The following STARD13 variants were observed in gnomAD, a reference collection of about 807,000 sequenced individuals.
The protein encoded by STARD13 is StAR related lipid transfer domain containing 13, also known as stAR-related lipid transfer protein 13.
A neutral mutation model predicts 106.4 loss-of-function variants in STARD13; 62 were observed. That is an observed-to-expected ratio of 0.58 (90% CI 0.48 to 0.72). The LOEUF is 0.72. Ranked by LOEUF, STARD13 falls within the 30% of genes least tolerant of loss-of-function variation. The pLI, the probability that STARD13 is intolerant of heterozygous loss-of-function variation, is 0.00. For synonymous variants in STARD13, 565 were observed against 553.0 expected, an observed-to-expected ratio of 1.02 and a Z score of -0.31; for missense variants, 1,387 against 1,424.0, an observed-to-expected ratio of 0.97 and a Z score of 0.42.
chr13:33,335,913 G>A (rs1402645644), intron 1 of STARD13, among the ~76,000 whole-genome samples: 2 of 152,250 alleles, frequency 1.3e-5, no homozygotes, highest in African/African-American at 4.8e-5. Flanking sequence ...CCTTAGCACA[G>A]TGCCAGGAAT....
At chr13:33,415,408 G>A in the STARD13 span, among the ~76,000 whole-genome samples, 1 of 152,138 alleles carries the variant, frequency 6.6e-6, no homozygotes, top group African/African-American at 2.4e-5. Context: ...TGTCAAGCAT[G>A]GTTGCTGGGC....
chr13:33,167,413 CAA>C, intron 2 of STARD13, 136 bp downstream of exon 2: 1 of 774,262 alleles, frequency 1.3e-6, no homozygotes. Context: ...CTGGGCATAG[CAA>C]AAAGGCCGAG....
chr13:33,452,891 A>T, the STARD13 span, among the ~76,000 whole-genome samples: 1 of 152,232 alleles, frequency 6.6e-6, no homozygotes, highest in Non-Finnish European at 1.5e-5. Context: ...TTTCATTTCT[A>T]ACTTTAAAAT....
chr13:33,455,990 C>T, the STARD13 span, among the ~76,000 whole-genome samples: 1 of 151,950 alleles, frequency 6.6e-6, no homozygotes, highest in African/African-American at 2.4e-5. Flanking sequence ...AAATAAATAA[C>T]AACGAATAAT....
chr13:33,582,920 GC>G, the STARD13 span, among the ~76,000 whole-genome samples: 141 of 152,266 alleles, frequency 9.3e-4, no homozygotes, highest in African/African-American at 3.2e-3. Flanking sequence ...CATATTGCTT[GC>G]CCAATTTCGG....
At chr13:33,172,347 C>G (rs1269889630) in intron 1 of STARD13, among the ~76,000 whole-genome samples, 1 of 152,104 alleles carries the variant, frequency 6.6e-6, no homozygotes, top group African/African-American at 2.4e-5. Flanking sequence ...TCAAGGTAGC[C>G]AAGAGAAAAG....
chr13:33,155,732 T>C (rs1454254375), intron 3 of STARD13: 1 of 152,204 alleles, frequency 6.6e-6, no homozygotes, highest in Non-Finnish European at 1.5e-5. Context: ...TTCCTGACTA[T>C]ACCTCAAGCC....
the STARD13 span, among the ~76,000 whole-genome samples, chr13:33,509,460 A>G: frequency 3.3e-5 from 5 of 152,194 alleles, no homozygotes; most frequent in Non-Finnish European, 7.3e-5. Flanking sequence ...GCTGCTGTAC[A>G]TTCAAAGAGA....
At chr13:33,588,815 T>G in the STARD13 span, among the ~76,000 whole-genome samples, 16 of 152,312 alleles carry the variant, frequency 1.1e-4, 1 homozygote, top group East Asian at 1.3e-3. Flanking sequence ...CACTCATTCA[T>G]TCACTCACTC....
chr13:33,469,714 G>A, the STARD13 span, among the ~76,000 whole-genome samples: 54 of 152,044 alleles, frequency 3.6e-4, no homozygotes, highest in Admixed American at 8.5e-4. Context: ...ATTTAATTAA[G>A]AGGAAATTGA....
chr13:33,496,259 T>C, the STARD13 span, among the ~76,000 whole-genome samples: 41 of 148,482 alleles, frequency 2.8e-4, 3 homozygotes, highest in South Asian at 8.2e-3. Context: ...TACATATGCA[T>C]TATAGAATTT....
At chr13:33,472,246 C>T in the STARD13 span, among the ~76,000 whole-genome samples, 1 of 151,776 alleles carries the variant, frequency 6.6e-6, no homozygotes, top group Non-Finnish European at 1.5e-5. Flanking sequence ...ACATGAGATG[C>T]TTTGATATAG....
the STARD13 span, among the ~76,000 whole-genome samples, chr13:33,486,986 G>A: frequency 2.0e-5 from 3 of 152,154 alleles, no homozygotes; most frequent in Admixed American, 6.5e-5. Flanking sequence ...TAAACTCACC[G>A]TAGCCTGGAA....
rs181341343 is a variant in STARD13, at chr13:33,330,249, A to T, written c.124+20041T>A. Among the ~76,000 whole-genome samples the T allele has an allele frequency of 2.4e-3, 364 of 152,320 alleles. 2 individuals are homozygous for T. The highest frequency in any genetic ancestry group is 8.3e-3 in the African/African-American group (345 of 41,574). On this transcript the variant is annotated intron_variant, in intron 1 of 5. Transcript: ENST00000567873. ...TTCTACTTTCTCCACATCTTTGCCG[A>T]CATTTGCTATCTTTTATCTTTTTTA...
chr13:33,561,901 A>C, the STARD13 span, among the ~76,000 whole-genome samples: 3 of 146,948 alleles, frequency 2.0e-5, no homozygotes, highest in Admixed American at 2.1e-4. Context: ...CGAAAGTAAA[A>C]AGTAACACAT....
At chr13:33,524,189 A>G in the STARD13 span, 1 of 1,098,742 alleles carries the variant, frequency 9.1e-7, no homozygotes, top group South Asian at 1.7e-5. Context: ...CCGTATGAAC[A>G]GGGCAGGACA....
At position 33,105,438 on chromosome 13, in the gene STARD13, C is replaced by G. The variant is rs1393036158; in HGVS notation, c.*155G>C. ...CTAAGAAAGTTCTTGGAAATTCTTG[C>G]ATCTCCAACATTCCAACTTCTTAAC... On this transcript the variant is annotated 3_prime_UTR_variant, in exon 14 of 14. Transcript: ENST00000336934. 6.9e-6 allele frequency: 4 copies of G among 582,822 alleles called. No individual in the cohort carries two copies. Among genetic ancestry groups the G allele is most frequent in the African/African-American group, 1.8e-5 (1 of 54,104 alleles). 36.1% of individuals were successfully genotyped at this position (582,822 alleles called of 1,614,324 possible). A position where few individuals can be genotyped will look rare whatever the true frequency, so the allele number is the denominator to read the frequency against.
intron 12 of STARD13, among the ~76,000 whole-genome samples, chr13:33,108,776 C>T (rs752058882): frequency 6.6e-6 from 1 of 152,204 alleles, no homozygotes; most frequent in African/African-American, 2.4e-5. Flanking sequence ...TGGCATGGCC[C>T]CATTCCTATG....
Position 33,127,498 on chromosome 13 carries a change from G to A in STARD13, c.1797C>T (p.Ala599=). 2 of 1,583,436 alleles carry A rather than the reference G, an allele frequency of 1.3e-6. No individual in the cohort carries two copies. Among genetic ancestry groups the A allele is most frequent in the African/African-American group, 1.3e-5 (1 of 74,592 alleles). ...SFQLSHQPRP[A]PASPHISSQT... ...GGCTGCTGATGTGGGGCGATGCTGG[G>A]GCCGGCCGGGGCTGGTGCGACAGCT... The change falls in exon 6 of 14, where the codon GCC becomes GCT. Residue 599 remains alanine, a synonymous_variant. Transcript: ENST00000336934.
Sources: allele counts gnomAD v4.1 joint callset (sites outside exome capture counted in the v4.1 genomes callset), GRCh38; gene constraint gnomAD v4.1.1; transcripts MANE v1.5; gene names NCBI Gene and HGNC (gene_info 2026-07-23, HGNC 2026-07-21).